OSBPL2: variants seen among roughly 807,000 people sequenced by gnomAD.
OSBPL2 encodes the protein oxysterol binding protein like 2.
OSBPL2 carries 18 observed loss-of-function variants against 58.4 expected under a neutral mutation model. That is an observed-to-expected ratio of 0.31 (90% CI 0.21 to 0.46). The LOEUF is 0.46. OSBPL2 is among the 20% of genes least tolerant of loss of function. The pLI, the probability that OSBPL2 is intolerant of heterozygous loss-of-function variation, is 1.00. For synonymous variants in OSBPL2, 221 were observed against 234.1 expected, an observed-to-expected ratio of 0.94 and a Z score of 0.51; for missense variants, 461 against 616.5, an observed-to-expected ratio of 0.75 and a Z score of 2.67.
chr20:62,244,300 C>T (rs767253922), intron 1 of OSBPL2, among the ~76,000 whole-genome samples: 2 of 151,984 alleles, frequency 1.3e-5, no homozygotes, highest in Non-Finnish European at 2.9e-5. Flanking sequence ...GTGTCTCCTT[C>T]TCCTCTAGCT....
At chr20:62,282,082 T>A (rs189399460) in intron 9 of OSBPL2, 207 of 408,096 alleles carry the variant, frequency 5.1e-4, no homozygotes, top group Non-Finnish European at 2.5e-4. Flanking sequence ...ATAAAGGGTA[T>A]TTTTGAATGT....
Position 62,281,174 on chromosome 20 carries a change from AC to A in OSBPL2, c.782+13del. 1 of 1,593,216 alleles carries A rather than the reference AC, an allele frequency of 6.3e-7. No homozygotes were observed. The highest frequency in any genetic ancestry group is 8.6e-7 in the Non-Finnish European group (1 of 1,162,032). On this transcript the variant is annotated intron_variant, in intron 8 of 13. Coordinates refer to ENST00000313733, the MANE Select transcript of OSBPL2 (RefSeq NM_144498.4). ...GAGATTTTAAACCACAGGTGACAGC[AC>A]CCCACCGTTGGGTGAGAGCGCGAGG...
Position 62,261,280 on chromosome 20 carries a change from C to T in OSBPL2, c.182+1155C>T, listed in dbSNP as rs147342649. Among the ~76,000 whole-genome samples, 514 of 146,094 alleles carry T rather than the reference C, an allele frequency of 3.5e-3. 9 individuals are homozygous for T. The East Asian group carries it at 0.067, about 19-fold the overall frequency. On this transcript the variant is annotated intron_variant, in intron 3 of 13. Transcript: ENST00000313733. ...ACAGTGAGCCGAGGTCACGCCGCTG[C>T]ACTCCAGCCTGGGTGACAGAGTGAG...
intron 4 of OSBPL2, among the ~76,000 whole-genome samples, chr20:62,268,049 ATTTTTTTT>A (rs149417240): frequency 4.3e-5 from 5 of 116,188 alleles, no homozygotes; most frequent in South Asian, 3.0e-4. Flanking sequence ...TGCCCGGCTA[ATTTTTTTT>A]TTTTTTTTTT....
At position 62,288,470 on chromosome 20, in the gene OSBPL2, G is replaced by A. The variant is rs1453975550; in HGVS notation, c.1126-737G>A. 2.0e-5 allele frequency among the ~76,000 whole-genome samples: 3 copies of A among 150,136 alleles called. No homozygotes were observed. The highest frequency in any genetic ancestry group is 2.0e-4 in the East Asian group (1 of 5,042). On this transcript the variant is annotated intron_variant, in intron 11 of 13. Transcript: ENST00000313733. The surrounding 1 kb of genome is among the most constrained non-coding windows in gnomAD (Gnocchi z 4.8). Reference sequence around the variant, plus strand: ...CTGGGAGGCTGTGGGTACAGAGGCCGGAGGCTGTGGGTGCAGAGGCTGGGA... The same window carrying A: ...CTGGGAGGCTGTGGGTACAGAGGCCAGAGGCTGTGGGTGCAGAGGCTGGGA...
Position 62,263,684 on chromosome 20 carries a change from T to C in OSBPL2, c.251T>C (p.Val84Ala). Residue 84 changes from valine (V) to alanine (A), a missense_variant, in exon 4 of 14, where the codon GTT (valine) becomes GCT (alanine). Val to Ala is a moderately conservative substitution (Grantham distance 64). Around this residue, in one of 5 missense-constraint regions of OSBPL2, gnomAD observed 38 missense variants for 74.2 expected, o/e 0.51. Coordinates refer to ENST00000313733, the MANE Select transcript of OSBPL2 (RefSeq NM_144498.4). ...FSVWTILKKC[V>A]GLELSKITMP... ...GTGTGGACCATCCTGAAGAAGTGTG[T>C]TGGCCTGGTGAGTCCGGGGGCCCGT... 1.2e-6 allele frequency: 2 copies of C among 1,614,088 alleles called. No individual in the cohort carries two copies. Among genetic ancestry groups the C allele is most frequent in the African/African-American group, 2.7e-5 (2 of 75,040 alleles).
chr20:62,257,566 T>C (rs960683023), intron 2 of OSBPL2, among the ~76,000 whole-genome samples: 6 of 152,142 alleles, frequency 3.9e-5, no homozygotes, highest in African/African-American at 1.4e-4. Context: ...ATTGTCAGGC[T>C]CTCACACCCT....
rs559389760 is a variant in OSBPL2, at chr20:62,277,507, G to C, written c.492-1650G>C. On this transcript the variant is annotated intron_variant, in intron 6 of 13. Transcript: ENST00000313733. ...TTCCAGATCGTCCTTGCCAGTGTCT[G>C]CCATGTGCTGTGTGTCTGTGAGACC... Among the ~76,000 whole-genome samples the C allele has an allele frequency of 3.9e-5, 6 of 152,344 alleles. No homozygotes were observed. In the South Asian group the frequency reaches 1.2e-3, roughly 32 times the overall value.
intron 1 of OSBPL2, among the ~76,000 whole-genome samples, chr20:62,251,609 T>G (rs1980548717): frequency 6.6e-6 from 1 of 151,804 alleles, no homozygotes; most frequent in Non-Finnish European, 1.5e-5. Flanking sequence ...GGTTTTTCCA[T>G]GTTGGTCAGG....
chr20:62,253,152 T>G (rs1041464634), intron 1 of OSBPL2, among the ~76,000 whole-genome samples: 18 of 152,278 alleles, frequency 1.2e-4, no homozygotes, highest in African/African-American at 4.3e-4. Flanking sequence ...GATGTGTGAA[T>G]TCTCCAGTGT....
At position 62,274,065 on chromosome 20, in the gene OSBPL2, G is replaced by A. The variant is rs569516156; in HGVS notation, c.491+659G>A. On this transcript the variant is annotated intron_variant, in intron 6 of 13. Coordinates refer to ENST00000313733, the MANE Select transcript of OSBPL2 (RefSeq NM_144498.4). ...CTCTGGTGGCCCTCACCTCACAGAC[G>A]TGAGACTGACTCCAAGTCCTAGAAC... Among the ~76,000 whole-genome samples, 9 of 152,274 alleles carry A rather than the reference G, an allele frequency of 5.9e-5. No homozygotes were observed. The East Asian group carries it at 1.4e-3, about 23-fold the overall frequency.
intron 6 of OSBPL2, among the ~76,000 whole-genome samples, chr20:62,278,110 G>T (rs1434046189): frequency 6.6e-6 from 1 of 152,234 alleles, no homozygotes; most frequent in African/African-American, 2.4e-5. Flanking sequence ...AGAGCAAGCG[G>T]GGCATCAGGG....
chr20:62,263,099 C>T (rs1221227323), intron 3 of OSBPL2, among the ~76,000 whole-genome samples: 1 of 152,172 alleles, frequency 6.6e-6, no homozygotes, highest in Non-Finnish European at 1.5e-5. Context: ...TGAGGGTCTC[C>T]TGGTGCAAGC....
intron 1 of OSBPL2, chr20:62,255,005 A>G (rs1980823818): frequency 1.3e-5 from 2 of 152,118 alleles, no homozygotes; most frequent in South Asian, 2.1e-4. Context: ...AATGTTTGCA[A>G]TGATTTTCAG....
chr20:62,263,772 A>G, intron 4 of OSBPL2, 81 bp downstream of exon 4: 5 of 1,317,742 alleles, frequency 3.8e-6, no homozygotes, highest in Middle Eastern at 2.1e-4. Flanking sequence ...TGGTTTAAGA[A>G]AATGCGCTCT....
chr20:62,293,613 A>G (rs559684018), intron 13 of OSBPL2, among the ~76,000 whole-genome samples, 172 bp from the exon 14 acceptor site: 1 of 152,380 alleles, frequency 6.6e-6, no homozygotes, highest in African/African-American at 2.4e-5. Context: ...CAGCATTCAC[A>G]TGACCACGTG....
chr20:62,248,369 T>C (rs148818681), intron 1 of OSBPL2, among the ~76,000 whole-genome samples: 7,463 of 152,140 alleles, frequency 0.049, 230 homozygotes, highest in Non-Finnish European at 0.078. Context: ...TTGGCCAGGC[T>C]GGTCTCGAAC....
chr20:62,239,625 T>C (rs1979584121), intron 1 of OSBPL2, among the ~76,000 whole-genome samples: 2 of 152,204 alleles, frequency 1.3e-5, no homozygotes, highest in African/African-American at 4.8e-5. Flanking sequence ...GAATGCCTGC[T>C]GTGGGCCTGG....
intron 12 of OSBPL2, among the ~76,000 whole-genome samples, 198 bp downstream of exon 12, chr20:62,289,528 C>CA (rs1462596829): frequency 6.6e-6 from 1 of 152,242 alleles, no homozygotes; most frequent in African/African-American, 2.4e-5. Context: ...CTTTAAAGAT[C>CA]TCTCGCCTGC....
Sources: allele counts gnomAD v4.1 joint callset (sites outside exome capture counted in the v4.1 genomes callset), GRCh38; gene constraint gnomAD v4.1.1; regional missense constraint gnomAD v4.1.1; non-coding constraint Gnocchi (gnomAD v3.1); transcripts MANE v1.5; gene names NCBI Gene and HGNC (gene_info 2026-07-23, HGNC 2026-07-21).